The following BBS7 variants were observed in gnomAD, a reference collection of about 807,000 sequenced individuals.
The protein encoded by BBS7 is Bardet-Biedl syndrome 7, also known as BBSome complex member BBS7.
Under a neutral mutation model 90.3 loss-of-function variants are expected in BBS7, and 50 were observed. The observed-to-expected ratio is 0.55, with a 90% CI of 0.44 to 0.70. The LOEUF is 0.70. Ranked by LOEUF, BBS7 falls within the 30% of genes least tolerant of loss-of-function variation. The pLI is 0.00. For missense variants in BBS7, 729 were observed against 838.9 expected, an observed-to-expected ratio of 0.87 and a Z score of 1.62; for synonymous variants, 235 against 287.4, an observed-to-expected ratio of 0.82 and a Z score of 1.85.
intron 8 of BBS7, 85 bp downstream of exon 8, chr4:121,852,871 T>A: frequency 1.5e-6 from 2 of 1,366,330 alleles, no homozygotes; most frequent in Non-Finnish European, 2.0e-6. Flanking sequence ...TTTAATATAT[T>A]TTCACTTAAT....
At chr4:121,846,408 A>G (rs1319404737) in intron 10 of BBS7, among the ~76,000 whole-genome samples, 1 of 152,196 alleles carries the variant, frequency 6.6e-6, no homozygotes, top group Admixed American at 6.5e-5. Flanking sequence ...GTAATGAACA[A>G]AGGAAAAGAT....
intron 6 of BBS7, among the ~76,000 whole-genome samples, chr4:121,855,201 G>C (rs887470373): frequency 6.6e-6 from 1 of 152,032 alleles, no homozygotes. Flanking sequence ...TGTAGTACTA[G>C]GGAGGCTGAG....
intron 10 of BBS7, 29 bp downstream of exon 10, chr4:121,847,375 A>C (rs201767048): frequency 1.0e-5 from 15 of 1,468,804 alleles, no homozygotes; most frequent in Non-Finnish European, 1.4e-5. Context: ...TGAGATTTTT[A>C]AAAAAGCAAA....
chr4:121,867,033 A>T (rs1239348667), intron 2 of BBS7, among the ~76,000 whole-genome samples: 1 of 152,128 alleles, frequency 6.6e-6, no homozygotes, highest in Middle Eastern at 3.2e-3. Flanking sequence ...TTGTTATTTT[A>T]ACAAAATTAA....
At chr4:121,849,596 A>G (rs1209989149) in intron 8 of BBS7, among the ~76,000 whole-genome samples, 1 of 152,200 alleles carries the variant, frequency 6.6e-6, no homozygotes, top group Admixed American at 6.5e-5. Flanking sequence ...TGGGAAGCCG[A>G]GGTGGGCGGA....
intron 12 of BBS7, among the ~76,000 whole-genome samples, chr4:121,842,712 A>C (rs1406493540): frequency 6.6e-6 from 1 of 152,112 alleles, no homozygotes; most frequent in Non-Finnish European, 1.5e-5. Flanking sequence ...AAATAAAATA[A>C]AATATATATT....
intron 15 of BBS7, among the ~76,000 whole-genome samples, chr4:121,832,009 A>ACACACACACAC (rs1725207388): frequency 2.1e-5 from 3 of 142,872 alleles, no homozygotes; most frequent in East Asian, 4.2e-4. Context: ...AAAAAACAAA[A>ACACACACACAC]ACACACACAC....
intron 2 of BBS7, among the ~76,000 whole-genome samples, chr4:121,867,061 C>A (rs1727320644): frequency 6.6e-6 from 1 of 152,120 alleles, no homozygotes; most frequent in East Asian, 1.9e-4. Context: ...AATCCATGAA[C>A]ATGGGATGTT....
intron 11 of BBS7, 49 bp downstream of exon 11, chr4:121,845,455 T>C: frequency 7.1e-7 from 1 of 1,409,752 alleles, no homozygotes; most frequent in Non-Finnish European, 1.0e-6. Flanking sequence ...ATGACTGGTT[T>C]GCAAAATAGA....
intron 8 of BBS7, among the ~76,000 whole-genome samples, chr4:121,852,452 A>G (rs1049924906): frequency 1.3e-5 from 2 of 152,290 alleles, no homozygotes; most frequent in Non-Finnish European, 2.9e-5. Context: ...GAGTTTAATT[A>G]CATTTAAAAT....
chr4:121,835,557 T>C (rs1391199749), intron 13 of BBS7, among the ~76,000 whole-genome samples: 1 of 152,136 alleles, frequency 6.6e-6, no homozygotes, highest in East Asian at 1.9e-4. Flanking sequence ...GGGGAAAATA[T>C]CAACATTTGA....
intron 10 of BBS7, among the ~76,000 whole-genome samples, chr4:121,846,781 G>GA (rs1326946834): frequency 6.6e-6 from 1 of 152,112 alleles, no homozygotes; most frequent in Non-Finnish European, 1.5e-5. Flanking sequence ...ACTACCACCA[G>GA]AAAAAAATCA....
Position 121,845,359 on chromosome 4 carries a change from C to A in BBS7, c.1230+145G>T, listed in dbSNP as rs1027100970. On this transcript the variant is annotated intron_variant, in intron 11 of 18. Coordinates refer to ENST00000264499, the MANE Select transcript of BBS7 (RefSeq NM_176824.3). ...CTCCAGTCTAGGTGACAGAGTAAAA[C>A]TCTGTCTCAAAAAAATAAAAATAAA... 3.0e-5 allele frequency: 13 copies of A among 427,758 alleles called. No homozygotes were observed. In the Admixed American group the frequency reaches 5.7e-4, roughly 19 times the overall value. The allele number at this position is 427,758 out of a possible 1,614,324, so 26.5% of individuals were successfully genotyped here.
At chr4:121,848,780 T>G in intron 9 of BBS7, 64 bp downstream of exon 9, 1 of 1,317,238 alleles carries the variant, frequency 7.6e-7, no homozygotes, top group Non-Finnish European at 1.1e-6. Flanking sequence ...CAAAAGCAGT[T>G]TATTAAATTT....
Position 121,855,506 on chromosome 4 carries a change from A to T in BBS7, c.584T>A (p.Leu195Gln). Residue 195 changes from leucine (L) to glutamine (Q), a missense_variant, in exon 6 of 19, where the codon CTA (leucine) becomes CAA (glutamine). Leu to Gln is a moderately radical substitution (Grantham distance 113, BLOSUM62 -2). Coordinates refer to ENST00000264499, the MANE Select transcript of BBS7 (RefSeq NM_176824.3). The part of the protein sequence containing the change: ...EVPGPPTVLA[L>Q]HNGNGGDSGE... ...CTGATTACCGCCATTTCCATTGTGTAGTGCTAAGACAGTAGGGGGTCCAGG... is the reference window on the plus strand; with the variant it reads ...CTGATTACCGCCATTTCCATTGTGTTGTGCTAAGACAGTAGGGGGTCCAGG... 6.2e-7 allele frequency: 1 copy of T among 1,613,562 alleles called. No homozygotes were observed.
rs1233058112 is a variant in BBS7 at position 121,828,619 on chromosome 4, C to T, written c.1786G>A (p.Glu596Lys). ...KRKINLNISY[E>K]INEVSVKHTL... ...AGAATTATTAATTTTGTTTGTTTAC[C>T]GTATGATATGTTGAGGTTAATTTTC... The change falls in exon 16 of 19, where the codon GAG becomes AAG. Residue 596 changes from glutamate (E) to lysine (K), a missense_variant and splice_region_variant. Transcript: ENST00000264499. The T allele has an allele frequency of 1.9e-6, 3 of 1,580,372 alleles. No homozygotes were observed. Among genetic ancestry groups the T allele is most frequent in the East Asian group, 2.2e-5 (1 of 44,580 alleles).
In BBS7 at chr4:121,826,065, A is replaced by G. The variant is rs1724892955; in HGVS notation, c.2015-72T>C. 4.8e-6 allele frequency: 6 copies of G among 1,255,646 alleles called. No individual in the cohort carries two copies. In the South Asian group the frequency reaches 5.1e-5, roughly 11 times the overall value. 77.8% of individuals were successfully genotyped at this position (1,255,646 alleles called of 1,614,324 possible). A position where few individuals can be genotyped will look rare whatever the true frequency, so the allele number is the denominator to read the frequency against. On this transcript the variant is annotated intron_variant, in intron 18 of 18. Transcript: ENST00000264499. ...AATGACACAGTATTTCACTAAAGTA[A>G]TTGCTTGATAATCTATTTTTAAGCA...
intron 12 of BBS7, among the ~76,000 whole-genome samples, chr4:121,843,193 C>T (rs1179064340): frequency 6.6e-6 from 1 of 151,952 alleles, no homozygotes; most frequent in Admixed American, 6.6e-5. Flanking sequence ...TTTTCTATGC[C>T]ACAATAAGGA....
At chr4:121,830,521 G>A (rs1264182752) in intron 15 of BBS7, among the ~76,000 whole-genome samples, 12 of 152,120 alleles carry the variant, frequency 7.9e-5, no homozygotes, top group African/African-American at 2.7e-4. Context: ...AATCTTAACA[G>A]ATGATATTTA....
Sources: gnomAD v4.1 joint callset for allele counts (sites outside exome capture counted in the v4.1 genomes callset) on GRCh38, gnomAD v4.1.1 for gene constraint, MANE v1.5 for transcripts, NCBI Gene and HGNC (gene_info 2026-07-23, HGNC 2026-07-21) for gene names.